EHHADH: variants seen among roughly 807,000 people sequenced by gnomAD.
The protein encoded by EHHADH is peroxisomal bifunctional enzyme.
A neutral mutation model predicts 64.4 loss-of-function variants in EHHADH; 48 were observed. The ratio of observed to expected loss-of-function variants is 0.75; its 90% CI spans 0.59 to 0.95. The LOEUF (loss-of-function observed/expected upper bound fraction) is 0.95. EHHADH is among the 40% of genes least tolerant of loss of function. EHHADH has a pLI of 0.00. For synonymous variants in EHHADH, 308 were observed against 326.7 expected (o/e 0.94, Z 0.62); for missense variants, 854 against 876.6 (o/e 0.97, Z 0.33).
intron 6 of EHHADH, among the ~76,000 whole-genome samples, chr3:185,201,857 C>T (rs1223066015): frequency 2.6e-5 from 4 of 152,146 alleles, no homozygotes; most frequent in Non-Finnish European, 4.4e-5. Context: ...TTGACAAACA[C>T]AATACTGATA....
At position 185,192,965 on chromosome 3, in the gene EHHADH, C is replaced by G; in HGVS notation, c.1433G>C (p.Gly478Ala). 6.2e-7 allele frequency: 1 copy of G among 1,614,190 alleles called. No homozygotes were observed. Among genetic ancestry groups the G allele is most frequent in the South Asian group, 1.1e-5 (1 of 91,078 alleles). The change falls in exon 7 of 7, where the codon GGA (glycine) becomes GCA (alanine). Residue 478 changes from glycine to alanine, a missense_variant. By Grantham distance (60) the Gly-to-Ala change is moderately conservative. Transcript: ENST00000231887. ...ATTCAACATTCGATTCCCCACAAAT[C>G]CAAAACAGTTGCCTACAACGACTCC... ...KIGVVVGNCF[G>A]FVGNRMLNPY...
chr3:185,200,955 C>A (rs1352668788), intron 6 of EHHADH, among the ~76,000 whole-genome samples: 1 of 151,846 alleles, frequency 6.6e-6, no homozygotes, highest in African/African-American at 2.4e-5. Context: ...AGACTTTGGC[C>A]CGAGAGTGGC....
intron 2 of EHHADH, among the ~76,000 whole-genome samples, chr3:185,239,019 C>G: frequency 6.6e-6 from 1 of 152,028 alleles, no homozygotes; most frequent in Non-Finnish European, 1.5e-5. Flanking sequence ...TCCAATTTTC[C>G]CAGCACCATT....
intron 4 of EHHADH, among the ~76,000 whole-genome samples, chr3:185,229,157 T>C (rs1719084747): frequency 6.6e-6 from 1 of 152,222 alleles, no homozygotes; most frequent in African/African-American, 2.4e-5. Context: ...CCAGTGTTGA[T>C]GAATAGTCAC....
chr3:185,218,223 C>G lies in EHHADH; in HGVS notation c.481G>C (p.Asp161His), dbSNP rs1300731830. 25 of 1,605,030 alleles carry G rather than the reference C, an allele frequency of 1.6e-5. No individual in the cohort carries two copies. The highest frequency in any genetic ancestry group is 2.1e-5 in the Non-Finnish European group (25 of 1,176,864). The change falls in exon 5 of 7, where the codon GAT becomes CAT. Residue 161 changes from aspartate (D) to histidine (H), a missense_variant. Physicochemically the swap from Asp to His is moderately conservative, Grantham distance 81. Coordinates refer to ENST00000231887, the MANE Select transcript of EHHADH (RefSeq NM_001966.4). ...AGAATGCCCAGCTTGAGTGCTTCAT[C>G]TGCTAAAATACGTCTTCCTGAAATA... ...LITSGRRILA[D>H]EALKLGILDK...
At chr3:185,201,255 T>C (rs535105863) in intron 6 of EHHADH, among the ~76,000 whole-genome samples, 55 of 152,086 alleles carry the variant, frequency 3.6e-4, no homozygotes, top group African/African-American at 1.3e-3. Flanking sequence ...GGAATGATTG[T>C]CCATAGAGAC....
At chr3:185,213,876 G>A (rs1319286988) in intron 5 of EHHADH, among the ~76,000 whole-genome samples, 1 of 138,556 alleles carries the variant, frequency 7.2e-6, no homozygotes, top group African/African-American at 2.7e-5. Flanking sequence ...GCGAAACTCC[G>A]TCTCAAAAAA....
At chr3:185,212,521 TAAG>T (rs1209866205) in intron 5 of EHHADH, among the ~76,000 whole-genome samples, 1 of 152,238 alleles carries the variant, frequency 6.6e-6, no homozygotes, top group Non-Finnish European at 1.5e-5. Flanking sequence ...TCCTTTCCTA[TAAG>T]AAGTAGAAAC....
chr3:185,249,271 G>A (rs950348621), intron 1 of EHHADH, among the ~76,000 whole-genome samples: 4 of 152,162 alleles, frequency 2.6e-5, no homozygotes, highest in Admixed American at 2.0e-4. Flanking sequence ...TGGGACTACA[G>A]GCGCCCGCCA....
chr3:185,218,727 TAAA>T (rs989044774), intron 4 of EHHADH, among the ~76,000 whole-genome samples: 2 of 144,006 alleles, frequency 1.4e-5, no homozygotes, highest in Non-Finnish European at 1.5e-5. Flanking sequence ...TGTGGATGGT[TAAA>T]AAAAAAAAAG....
At chr3:185,228,515 C>T (rs913978251) in intron 4 of EHHADH, among the ~76,000 whole-genome samples, 11 of 150,872 alleles carry the variant, frequency 7.3e-5, no homozygotes, top group Admixed American at 1.3e-4. Context: ...CCCGTCTCTA[C>T]TAAAAGTACA....
chr3:185,225,291 G>A (rs1355822238), intron 4 of EHHADH, among the ~76,000 whole-genome samples: 1 of 152,002 alleles, frequency 6.6e-6, no homozygotes, highest in Non-Finnish European at 1.5e-5. Context: ...AGAAATCCCA[G>A]TCTTAGTGAT....
Position 185,253,927 on chromosome 3 carries a change from T to A in EHHADH, c.74+22A>T, listed in dbSNP as rs368673100. ...GCTAAGGCCCGCACGGTCCCCGGGCTGGAGGCGACCGAGCCCGTTACCTGA... is the reference window on the plus strand; with the variant it reads ...GCTAAGGCCCGCACGGTCCCCGGGCAGGAGGCGACCGAGCCCGTTACCTGA... On this transcript the variant is annotated intron_variant, in intron 1 of 6. Transcript: ENST00000231887. 3.7e-6 allele frequency: 6 copies of A among 1,613,784 alleles called. No individual in the cohort carries two copies. In the African/African-American group the frequency reaches 6.7e-5, roughly 18 times the overall value.
At position 185,213,727 on chromosome 3, in the gene EHHADH, A is replaced by G. The variant is rs1287983441; in HGVS notation, c.568+4409T>C. ...AAACTCCATCTCTAATAAAACTACAAAAATTAGCTGAGTGTGGTGATGCAT... is the reference window on the plus strand; with the variant it reads ...AAACTCCATCTCTAATAAAACTACAGAAATTAGCTGAGTGTGGTGATGCAT... On this transcript the variant is annotated intron_variant, in intron 5 of 6. Transcript: ENST00000231887. Among the ~76,000 whole-genome samples, 4 of 152,088 alleles carry G rather than the reference A, an allele frequency of 2.6e-5. No homozygotes were observed. In the East Asian group the frequency reaches 5.8e-4, roughly 22 times the overall value.
intron 6 of EHHADH, among the ~76,000 whole-genome samples, chr3:185,203,077 G>GT (rs1718276409): frequency 1.4e-5 from 1 of 73,102 alleles, no homozygotes; most frequent in Non-Finnish European, 4.6e-5. Flanking sequence ...CGTAAAGATG[G>GT]TTAAAAAAAA....
At chr3:185,196,321 A>C (rs1052087869) in intron 6 of EHHADH, among the ~76,000 whole-genome samples, 3 of 152,232 alleles carry the variant, frequency 2.0e-5, no homozygotes, top group African/African-American at 7.2e-5. Flanking sequence ...TAGCCAAAAA[A>C]TAGAAGCAAT....
In EHHADH at chr3:185,193,463, A is replaced by G. The variant is rs1717971478; in HGVS notation, c.935T>C (p.Ile312Thr). ...CCTGGCCCTTGCAAAAGAAATGACAATGCCTCGGCCCATTGTTCCCAAGCC... is the reference window on the plus strand; with the variant it reads ...CCTGGCCCTTGCAAAAGAAATGACAGTGCCTCGGCCCATTGTTCCCAAGCC... ...VVGLGTMGRG[I>T]VISFARARIP... is the part of the protein sequence containing the mutation. The change falls in exon 7 of 7, where the codon ATT (isoleucine) becomes ACT (threonine). Residue 312 changes from isoleucine (I) to threonine (T), a missense_variant. Ile to Thr is a moderately conservative substitution (Grantham distance 89). Coordinates refer to ENST00000231887, the MANE Select transcript of EHHADH (RefSeq NM_001966.4). The G allele has an allele frequency of 2.5e-6, 4 of 1,614,062 alleles. No individual in the cohort carries two copies. Among genetic ancestry groups the G allele is most frequent in the African/African-American group, 2.7e-5 (2 of 74,936 alleles).
intron 2 of EHHADH, chr3:185,245,358 G>A: frequency 2.5e-6 from 1 of 399,850 alleles, no homozygotes; most frequent in Non-Finnish European, 4.3e-6. Flanking sequence ...GAACTTGGCA[G>A]CTTTTTTATC....
Position 185,254,009 on chromosome 3 carries a change from G to C in EHHADH, c.14C>G (p.Thr5Arg). The change falls in exon 1 of 7, where the codon ACG (threonine) becomes AGG (arginine). Residue 5 changes from threonine (T) to arginine (R), a missense_variant. Physicochemically the swap from Thr to Arg is moderately conservative, Grantham distance 71 (BLOSUM62 -1). Coordinates refer to ENST00000231887, the MANE Select transcript of EHHADH (RefSeq NM_001966.4). MAEY[T>R]RLHNALALIR... ...TAGCGCCAAGGCGTTGTGCAGCCGC[G>C]TATACTCGGCCATGTTTCCTCTATC... is the stretch of plus-strand genomic sequence containing the variant. 1 of 1,613,836 alleles carries C rather than the reference G, an allele frequency of 6.2e-7. No homozygotes were observed. The highest frequency in any genetic ancestry group is 8.5e-7 in the Non-Finnish European group (1 of 1,179,836).
Sources: allele counts gnomAD v4.1 joint callset (sites outside exome capture counted in the v4.1 genomes callset), GRCh38; gene constraint gnomAD v4.1.1; transcripts MANE v1.5; gene names NCBI Gene and HGNC (gene_info 2026-07-23, HGNC 2026-07-21).